PCDHGA5: variants seen among roughly 807,000 people sequenced by gnomAD.
The protein encoded by PCDHGA5 is protocadherin gamma subfamily A, 5, also known as protocadherin gamma-A5.
A neutral mutation model predicts 56.7 loss-of-function variants in PCDHGA5; 36 were observed. That is an observed-to-expected ratio of 0.64 (90% CI 0.49 to 0.84). The LOEUF (loss-of-function observed/expected upper bound fraction) is 0.84. PCDHGA5 is among the 40% of genes least tolerant of loss of function. PCDHGA5 has a pLI of 0.00. For synonymous variants in PCDHGA5, 563 were observed against 520.2 expected (o/e 1.08, Z -1.12); for missense variants, 1,305 against 1,201.5 (o/e 1.09, Z -1.27).
chr5:141,455,149 TTA>T (rs537241375), intron 1 of PCDHGA5, among the ~76,000 whole-genome samples: 1 of 148,248 alleles, frequency 6.7e-6, no homozygotes, highest in Non-Finnish European at 1.5e-5. Context: ...TAAATAAATA[TTA>T]GTTTGTTGGT....
At chr5:141,374,174 A>T in intron 1 of PCDHGA5, 1 of 1,613,482 alleles carries the variant, frequency 6.2e-7, no homozygotes, top group South Asian at 1.1e-5. Flanking sequence ...GGCAGCGCAG[A>T]TCCGCTACTC....
rs1429603639 is a variant in PCDHGA5 at position 141,415,751 on chromosome 5, T to TTG, written c.2421+49001_2421+49002insGT. 7.1e-5 allele frequency: 95 copies of TTG among 1,328,716 alleles called. No homozygotes were observed. The African/African-American group carries it at 1.1e-3, about 15-fold the overall frequency. 82.3% of individuals were successfully genotyped at this position (1,328,716 alleles called of 1,614,324 possible). Reference sequence around the variant, plus strand: ...TGATGTTTATTAAGGTTTTTTTTTTTTTTTTTTTTTTTTTTTTTTTTACTT... The same window carrying TTG: ...TGATGTTTATTAAGGTTTTTTTTTTTTGTTTTTTTTTTTTTTTTTTTTTACTT... On this transcript the variant is annotated intron_variant, in intron 1 of 3. Coordinates refer to ENST00000518069, the MANE Select transcript of PCDHGA5 (RefSeq NM_018918.3).
intron 1 of PCDHGA5, chr5:141,421,282 A>G (rs762064258): frequency 7.4e-6 from 12 of 1,613,034 alleles, no homozygotes; most frequent in Non-Finnish European, 1.0e-5. Context: ...GCTGCTGTGC[A>G]TTTTCCTGGG....
intron 1 of PCDHGA5, among the ~76,000 whole-genome samples, chr5:141,444,199 T>C (rs2098425653): frequency 7.4e-6 from 1 of 134,516 alleles, no homozygotes; most frequent in African/African-American, 2.9e-5. Context: ...GAGATGGAGT[T>C]TCACTCTTGT....
intron 1 of PCDHGA5, among the ~76,000 whole-genome samples, chr5:141,472,712 G>A (rs1303609397): frequency 1.3e-5 from 2 of 151,972 alleles, no homozygotes; most frequent in Admixed American, 6.6e-5. Flanking sequence ...CAGGCCAGGC[G>A]CTGTGGCTCA....
chr5:141,453,784 G>T (rs767312144), intron 1 of PCDHGA5, among the ~76,000 whole-genome samples: 47 of 152,298 alleles, frequency 3.1e-4, no homozygotes, highest in Non-Finnish European at 5.6e-4. Flanking sequence ...AGTTACCATG[G>T]TATATTAACT....
intron 1 of PCDHGA5, chr5:141,399,816 G>A: frequency 1.2e-6 from 2 of 1,613,196 alleles, no homozygotes; most frequent in Non-Finnish European, 1.7e-6. Context: ...ACCCCGCGCT[G>A]GGTCCCGACG....
intron 1 of PCDHGA5, chr5:141,390,885 TGTGA>T (rs2092262333): frequency 6.5e-6 from 1 of 152,688 alleles, no homozygotes; most frequent in African/African-American, 2.4e-5. Flanking sequence ...TGTGTGTGTG[TGTGA>T]GAGAGATCCT....
chr5:141,446,639 G>T (rs1461520959), intron 1 of PCDHGA5, among the ~76,000 whole-genome samples: 7 of 152,116 alleles, frequency 4.6e-5, no homozygotes, highest in Non-Finnish European at 8.8e-5. Flanking sequence ...ACCACGCCTG[G>T]CTAATTTTTG....
chr5:141,483,736 G>A (rs1296877404), intron 1 of PCDHGA5, among the ~76,000 whole-genome samples: 1 of 152,110 alleles, frequency 6.6e-6, no homozygotes, highest in Non-Finnish European at 1.5e-5. Flanking sequence ...ATAGTCAAAA[G>A]GATATTCCTG....
rs1326004540 is a variant in PCDHGA5 at position 141,477,117 on chromosome 5, C to T, written c.2422-17690C>T. Reference sequence around the variant, plus strand: ...GACAAGGGCGCCAATCCCGAAGGAGCACATTGCAAAGTGTTGGTGGAGGTT... The same window carrying T: ...GACAAGGGCGCCAATCCCGAAGGAGTACATTGCAAAGTGTTGGTGGAGGTT... On this transcript the variant is annotated intron_variant, in intron 1 of 3. Coordinates refer to ENST00000518069, the MANE Select transcript of PCDHGA5 (RefSeq NM_018918.3). The surrounding 1 kb of genome is among the most constrained non-coding windows in gnomAD (Gnocchi z 4.9). 1.2e-6 allele frequency: 2 copies of T among 1,614,246 alleles called. No homozygotes were observed. Among genetic ancestry groups the T allele is most frequent in the East Asian group, 4.5e-5 (2 of 44,886 alleles).
At chr5:141,414,020 C>A in intron 1 of PCDHGA5, 1 of 1,612,618 alleles carries the variant, frequency 6.2e-7, no homozygotes. Flanking sequence ...GGAGAAGTGA[C>A]ATATTCATTC....
chr5:141,389,910 C>T (rs1417147488), intron 1 of PCDHGA5: 21 of 1,614,080 alleles, frequency 1.3e-5, no homozygotes, highest in Non-Finnish European at 1.7e-5. Flanking sequence ...TATCACTGAC[C>T]GCCCCGACCC....
At chr5:141,498,264 C>A (rs1272117057) in intron 2 of PCDHGA5, among the ~76,000 whole-genome samples, 2 of 152,016 alleles carry the variant, frequency 1.3e-5, no homozygotes, top group Admixed American at 1.3e-4. Context: ...GTGTTGAGTT[C>A]TTCAGTAAAC....
At chr5:141,389,860 ACC>A (rs2091950057) in intron 1 of PCDHGA5, 1 of 1,613,934 alleles carries the variant, frequency 6.2e-7, no homozygotes, top group Non-Finnish European at 8.5e-7. Context: ...GCCACGTTGC[ACC>A]TGGTCTTCGC....
At chr5:141,423,618 C>T (rs2096760725) in intron 1 of PCDHGA5, 2 of 1,608,284 alleles carry the variant, frequency 1.2e-6, no homozygotes, top group East Asian at 2.2e-5. Flanking sequence ...TAGCTGAAGA[C>T]TCAGCTATCA....
Position 141,422,537 on chromosome 5 carries a change from C to T in PCDHGA5, c.2421+55786C>T, listed in dbSNP as rs993210917. 2.5e-6 allele frequency: 4 copies of T among 1,613,874 alleles called. No individual in the cohort carries two copies. Among genetic ancestry groups the T allele is most frequent in the Non-Finnish European group, 3.4e-6 (4 of 1,179,894 alleles). ...GGAAGCCCGCCTTTGTCTGCAGAAA[C>T]TCATGTCTGGCTGAATGTGGCAGAT... is the stretch of plus-strand genomic sequence containing the variant. On this transcript the variant is annotated intron_variant, in intron 1 of 3. Coordinates refer to ENST00000518069, the MANE Select transcript of PCDHGA5 (RefSeq NM_018918.3).
Position 141,424,835 on chromosome 5 carries a change from T to C in PCDHGA5, c.2421+58084T>C, listed in dbSNP as rs999861185. Among the ~76,000 whole-genome samples, 20 of 152,310 alleles carry C rather than the reference T, an allele frequency of 1.3e-4. No individual in the cohort carries two copies. The South Asian group carries it at 3.5e-3, about 27-fold the overall frequency. On this transcript the variant is annotated intron_variant, in intron 1 of 3. Coordinates refer to ENST00000518069, the MANE Select transcript of PCDHGA5 (RefSeq NM_018918.3). ...AAGCTTGATAGTTGCCTGACATACA[T>C]GTTATCTGAAGCAATGTCTAGGAAA... is the stretch of plus-strand genomic sequence containing the variant.
Position 141,486,316 on chromosome 5 carries a change from A to G in PCDHGA5, c.2422-8491A>G, listed in dbSNP as rs1251956899. The G allele has an allele frequency of 6.2e-7, 1 of 1,614,066 alleles. No individual in the cohort carries two copies. On this transcript the variant is annotated intron_variant, in intron 1 of 3. Transcript: ENST00000518069. This position sits in a 1 kb window ranked among gnomAD's most constrained non-coding sequence, Gnocchi z 5.0. ...GTGTGCAGGATCCAGACTCAGGGTC[A>G]AACGGAGATGTGAGCCTCCGCATTC...
Sources: gnomAD v4.1 joint callset for allele counts (sites outside exome capture counted in the v4.1 genomes callset) on GRCh38, gnomAD v4.1.1 for gene constraint, Gnocchi (gnomAD v3.1) non-coding constraint, MANE v1.5 for transcripts, NCBI Gene and HGNC (gene_info 2026-07-23, HGNC 2026-07-21) for gene names.